SMC5: variants seen among roughly 807,000 people sequenced by gnomAD.
The protein encoded by SMC5 is structural maintenance of chromosomes protein 5.
In SMC5, 88 loss-of-function variants were observed where a neutral mutation model predicts 148.3. The observed-to-expected ratio is 0.59, with a 90% CI of 0.50 to 0.71. The LOEUF (loss-of-function observed/expected upper bound fraction) is 0.71. Among genes scored for constraint, SMC5 ranks in the 30% least tolerant of loss-of-function variants. SMC5 has a pLI of 0.00. For missense variants in SMC5, 1,142 were observed against 1,298.9 expected, an observed-to-expected ratio of 0.88 and a Z score of 1.86; for synonymous variants, 421 against 432.8, an observed-to-expected ratio of 0.97 and a Z score of 0.34.
intron 3 of SMC5, among the ~76,000 whole-genome samples, chr9:70,270,042 CACTA>C (rs1377975076): frequency 1.3e-5 from 2 of 152,158 alleles, no homozygotes; most frequent in Non-Finnish European, 2.9e-5. Flanking sequence ...TCAATTCTGA[CACTA>C]ACCAAAAATT....
intron 17 of SMC5, among the ~76,000 whole-genome samples, chr9:70,329,733 T>C (rs985724715): frequency 2.0e-5 from 3 of 152,226 alleles, no homozygotes; most frequent in African/African-American, 7.2e-5. Flanking sequence ...GTTATCTTTA[T>C]AGCAATGCCC....
chr9:70,298,219 A>G lies in SMC5; in HGVS notation c.1307A>G (p.Lys436Arg). The part of the protein sequence containing the change: ...RERETLEKEK[K>R]SVDDHIVRFD... ...AGGGAAACTCTAGAGAAGGAGAAAA[A>G]GAGTAAGTTTCATAAAGTTAGAATG... is the stretch of plus-strand genomic sequence containing the variant. Residue 436 changes from lysine to arginine, a missense_variant and splice_region_variant, in exon 9 of 25, where the codon AAG becomes AGG. Transcript: ENST00000361138. The G allele has an allele frequency of 6.2e-7, 1 of 1,607,822 alleles. No individual in the cohort carries two copies. The highest frequency in any genetic ancestry group is 8.5e-7 in the Non-Finnish European group (1 of 1,177,886).
intron 17 of SMC5, among the ~76,000 whole-genome samples, chr9:70,337,283 A>G (rs1446554434): frequency 5.9e-5 from 9 of 152,196 alleles, no homozygotes; most frequent in Non-Finnish European, 1.0e-4. Context: ...TATGAAATCA[A>G]TGGCTTTGGA....
intron 9 of SMC5, 35 bp from the exon 10 acceptor site, chr9:70,300,011 G>T: frequency 6.6e-7 from 1 of 1,520,400 alleles, no homozygotes; most frequent in South Asian, 1.3e-5. Context: ...AAAATTTTCA[G>T]AGAAACAAGA....
intron 3 of SMC5, among the ~76,000 whole-genome samples, chr9:70,269,989 C>T (rs2034398832): frequency 1.3e-5 from 2 of 152,190 alleles, no homozygotes; most frequent in South Asian, 2.1e-4. Flanking sequence ...AACACTTCTA[C>T]ACCAGATGTG....
intron 1 of SMC5, among the ~76,000 whole-genome samples, chr9:70,260,915 A>C (rs2034107092): frequency 6.6e-6 from 1 of 152,018 alleles, no homozygotes; most frequent in African/African-American, 2.4e-5. Context: ...AATGTTTTAA[A>C]ATTTTTTTGT....
At chr9:70,268,799 T>G (rs1270359961) in intron 3 of SMC5, among the ~76,000 whole-genome samples, 1 of 152,214 alleles carries the variant, frequency 6.6e-6, no homozygotes, top group Non-Finnish European at 1.5e-5. Context: ...TTTTATTTTC[T>G]CCCTTATGAC....
rs2034897752 is a variant in SMC5, at chr9:70,286,218, G to C, written c.1000G>C (p.Ala334Pro). The change falls in exon 8 of 25, where the codon GCA becomes CCA. Residue 334 changes from alanine (A) to proline (P), a missense_variant. Physicochemically the swap from Ala to Pro is conservative, Grantham distance 27 (BLOSUM62 -1). This residue lies in a region of SMC5 where 743 missense variants were observed against 835.7 expected (regional missense o/e 0.89). Coordinates refer to ENST00000361138, the MANE Select transcript of SMC5 (RefSeq NM_015110.4). Reference protein sequence around the residue: ...IKEKATDIKEASQKCKQKQDV... With the variant: ...IKEKATDIKEPSQKCKQKQDV... ...TTTACAGGCAACAGATATTAAGGAG[G>C]CATCTCAAAAATGCAAACAGAAGCA... The C allele has an allele frequency of 6.2e-7, 1 of 1,602,812 alleles. No homozygotes were observed. Among genetic ancestry groups the C allele is most frequent in the Non-Finnish European group, 8.5e-7 (1 of 1,174,294 alleles).
chr9:70,335,663 A>G (rs1327801447), intron 17 of SMC5, among the ~76,000 whole-genome samples: 1 of 152,172 alleles, frequency 6.6e-6, no homozygotes, highest in Admixed American at 6.5e-5. Flanking sequence ...GAGAGCATAC[A>G]CTATATAATT....
intron 1 of SMC5, among the ~76,000 whole-genome samples, chr9:70,263,708 C>T (rs960131396): frequency 1.3e-5 from 2 of 152,168 alleles, no homozygotes; most frequent in Admixed American, 1.3e-4. Flanking sequence ...TGGCTTTGAC[C>T]TCCTAGGCTC....
In SMC5 at chr9:70,305,228, T is replaced by C. The variant is rs763783692; in HGVS notation, c.1465-19T>C. On this transcript the variant is annotated intron_variant, in intron 10 of 24. Transcript: ENST00000361138. Reference sequence around the variant, plus strand: ...GTTGGGTTTCATGAAATTCGACCTTTTTTTGCTTGTTTGTTTAGATCAATA... The same window carrying C: ...GTTGGGTTTCATGAAATTCGACCTTCTTTTGCTTGTTTGTTTAGATCAATA... 8.2e-7 allele frequency: 1 copy of C among 1,216,380 alleles called. No homozygotes were observed. Among genetic ancestry groups the C allele is most frequent in the Non-Finnish European group, 1.2e-6 (1 of 846,680 alleles). The allele number at this position is 1,216,380 out of a possible 1,614,324, so 75.3% of individuals were successfully genotyped here.
rs74493792 is a variant in SMC5 at position 70,283,454 on chromosome 9, G to A, written c.981+871G>A. On this transcript the variant is annotated intron_variant, in intron 7 of 24. Coordinates refer to ENST00000361138, the MANE Select transcript of SMC5 (RefSeq NM_015110.4). ...TGCTCTCCAGCATGGGTGACAGAGC[G>A]AGGCCCTATCTCAAAAAATGTATAT... Among the ~76,000 whole-genome samples the A allele has an allele frequency of 3.9e-3, 596 of 152,146 alleles. 2 individuals are homozygous for A. Among genetic ancestry groups the A allele is most frequent in the South Asian group, 0.023 (112 of 4,818 alleles).
intron 1 of SMC5, among the ~76,000 whole-genome samples, chr9:70,261,303 T>C (rs983581306): frequency 6.6e-6 from 1 of 152,076 alleles, no homozygotes; most frequent in Non-Finnish European, 1.5e-5. Flanking sequence ...GGAAGCACTG[T>C]AGAGGATGAT....
chr9:70,282,775 A>G (rs1048535260), intron 7 of SMC5, among the ~76,000 whole-genome samples, 192 bp downstream of exon 7: 1 of 152,190 alleles, frequency 6.6e-6, no homozygotes, highest in East Asian at 1.9e-4. Flanking sequence ...GCTACTTTAT[A>G]GGACTTCCAA....
chr9:70,340,959 T>G (rs1438439772), intron 17 of SMC5, among the ~76,000 whole-genome samples: 4 of 152,180 alleles, frequency 2.6e-5, no homozygotes, highest in Non-Finnish European at 4.4e-5. Flanking sequence ...ATTTTGTACA[T>G]TTCACTCATT....
chr9:70,318,154 G>A (rs1386380500), intron 13 of SMC5, among the ~76,000 whole-genome samples: 1 of 152,096 alleles, frequency 6.6e-6, no homozygotes, highest in Non-Finnish European at 1.5e-5. Flanking sequence ...AGACCCAGGC[G>A]GGAGAATCTC....
chr9:70,290,678 A>T (rs2035032957), intron 8 of SMC5, among the ~76,000 whole-genome samples: 1 of 151,956 alleles, frequency 6.6e-6, no homozygotes, highest in African/African-American at 2.4e-5. Flanking sequence ...CTTGTAGGGG[A>T]GGTTTCTTTT....
At chr9:70,287,942 C>T (rs1384811231) in intron 8 of SMC5, among the ~76,000 whole-genome samples, 3 of 152,154 alleles carry the variant, frequency 2.0e-5, no homozygotes, top group African/African-American at 7.2e-5. Context: ...AAATTTGTTA[C>T]TTGTTTTTCC....
intron 11 of SMC5, among the ~76,000 whole-genome samples, chr9:70,308,590 CAAAAAAAAAAAA>C (rs59441324): frequency 0.32 from 23,741 of 75,088 alleles, 2,487 homozygotes; most frequent in South Asian, 0.5. Context: ...GACTCTGTCT[CAAAAAAAAAAAA>C]AAAAAAAAAA....
Sources: allele counts gnomAD v4.1 joint callset (sites outside exome capture counted in the v4.1 genomes callset), GRCh38; gene constraint gnomAD v4.1.1; regional missense constraint gnomAD v4.1.1; transcripts MANE v1.5; gene names NCBI Gene and HGNC (gene_info 2026-07-23, HGNC 2026-07-21).